CEP76: variants seen among roughly 807,000 people sequenced by gnomAD.
CEP76 encodes centrosomal protein 76.
CEP76 carries 55 observed loss-of-function variants against 83.3 expected under a neutral mutation model. That is an observed-to-expected ratio of 0.66 (90% confidence interval 0.53 to 0.83). CEP76 has a LOEUF of 0.83. Ranked by LOEUF, CEP76 falls within the 40% of genes least tolerant of loss-of-function variation. The pLI is 0.00. For missense variants in CEP76, 694 were observed against 799.5 expected, an observed-to-expected ratio of 0.87 and a Z score of 1.59; for synonymous variants, 270 against 274.5, an observed-to-expected ratio of 0.98 and a Z score of 0.16.
In CEP76 at chr18:12,672,631, A is replaced by G; in HGVS notation, c.*734T>C. On this transcript the variant is annotated 3_prime_UTR_variant, in exon 12 of 12. Transcript: ENST00000262127. ...ATCCTCTGACCACAGAAAATCAGTG[A>G]TCGACTGCAAGATCACAATTTATCA... 1 of 981,642 alleles carries G rather than the reference A, an allele frequency of 1.0e-6. No homozygotes were observed. The highest frequency in any genetic ancestry group is 1.2e-6 in the Non-Finnish European group (1 of 826,390). 60.8% of individuals were successfully genotyped at this position (981,642 alleles called of 1,614,324 possible).
chr18:12,700,782 A>G (rs1281171864), intron 2 of CEP76, among the ~76,000 whole-genome samples, 176 bp downstream of exon 2: 1 of 152,188 alleles, frequency 6.6e-6, no homozygotes, highest in Admixed American at 6.5e-5. Flanking sequence ...ACACAAAACT[A>G]TTCAGTATAT....
At chr18:12,690,160 T>A (rs931273479) in intron 7 of CEP76, among the ~76,000 whole-genome samples, 15 of 152,162 alleles carry the variant, frequency 9.9e-5, no homozygotes, top group African/African-American at 3.6e-4. Context: ...TGCCAACCAG[T>A]CATTCAATAT....
chr18:12,688,387 A>T (rs1395142058), intron 7 of CEP76, among the ~76,000 whole-genome samples: 10 of 152,174 alleles, frequency 6.6e-5, no homozygotes, highest in Non-Finnish European at 1.5e-4. Context: ...AGAATAATGA[A>T]TTTTTAAGTA....
intron 8 of CEP76, among the ~76,000 whole-genome samples, chr18:12,683,991 A>G (rs962751878): frequency 2.7e-5 from 4 of 150,114 alleles, no homozygotes; most frequent in South Asian, 2.1e-4. Context: ...ATCTAAATAT[A>G]TATATGATAT....
intron 4 of CEP76, among the ~76,000 whole-genome samples, chr18:12,698,582 G>C (rs1412325997): frequency 6.6e-6 from 1 of 152,132 alleles, no homozygotes; most frequent in Non-Finnish European, 1.5e-5. Context: ...TTTCAGCTGT[G>C]AGTCACCGTG....
intron 1 of CEP76, 197 bp downstream of exon 1, chr18:12,702,289 C>A: frequency 1.8e-6 from 1 of 551,146 alleles, no homozygotes; most frequent in South Asian, 2.3e-5. Flanking sequence ...CTAGCACCTG[C>A]TCGGCTCGTT....
chr18:12,697,332 T>G lies in CEP76; in HGVS notation c.597A>C (p.Thr199=), dbSNP rs755481120. 5 of 1,613,804 alleles carry G rather than the reference T, an allele frequency of 3.1e-6. No individual in the cohort carries two copies. In the African/African-American group the frequency reaches 6.7e-5, roughly 22 times the overall value. Reference sequence around the variant, plus strand: ...CTAAAGTCGTCTCACCAAATATGTCTGTTTTGATTAGCACCATATGAATTG... The same window carrying G: ...CTAAAGTCGTCTCACCAAATATGTCGGTTTTGATTAGCACCATATGAATTG... The part of the protein sequence containing the change: ...SDPIHMVLIK[T]DIFGETTLVA... The change falls in exon 5 of 12, where the codon ACA becomes ACC. Residue 199 remains threonine, a synonymous_variant. Transcript: ENST00000262127.
At chr18:12,678,584 C>T in intron 9 of CEP76, 142 bp from the exon 10 acceptor site, 1 of 598,196 alleles carries the variant, frequency 1.7e-6, no homozygotes, top group Non-Finnish European at 2.8e-6. Context: ...TTTATATTTC[C>T]ACAATTTGAT....
chr18:12,694,725 T>C (rs1223021659), intron 6 of CEP76, among the ~76,000 whole-genome samples: 1 of 149,436 alleles, frequency 6.7e-6, no homozygotes, highest in Non-Finnish European at 1.5e-5. Context: ...TTTTTTTCTT[T>C]TTTTGAGATG....
In CEP76 at chr18:12,690,163, T is replaced by C. The variant is rs147732518; in HGVS notation, c.933+1196A>G. The stretch of plus-strand genomic sequence containing the variant: ...ATGTTGTTACCTTGCCAACCAGTCA[T>C]TCAATATATAAACAACGCTATCAGA... On this transcript the variant is annotated intron_variant, in intron 7 of 11. Transcript: ENST00000262127. Among the ~76,000 whole-genome samples, 37 of 152,278 alleles carry C rather than the reference T, an allele frequency of 2.4e-4. No homozygotes were observed. In the East Asian group the frequency reaches 5.8e-3, roughly 24 times the overall value.
chr18:12,684,894 G>C (rs943150888), intron 8 of CEP76: 4 of 152,016 alleles, frequency 2.6e-5, no homozygotes, highest in African/African-American at 7.2e-5. Context: ...CATTCAAAAA[G>C]TGTAATTAAA....
At chr18:12,665,677 TAAAC>T (rs1193314203) in intron 12 of CEP76, among the ~76,000 whole-genome samples, 1 of 152,230 alleles carries the variant, frequency 6.6e-6, no homozygotes, top group African/African-American at 2.4e-5. Context: ...GAGAATGTTT[TAAAC>T]AAACTTCTTA....
intron 4 of CEP76, among the ~76,000 whole-genome samples, chr18:12,698,223 T>C (rs770373237): frequency 9.9e-5 from 15 of 151,824 alleles, no homozygotes; most frequent in Non-Finnish European, 1.8e-4. Context: ...AATTTATAAA[T>C]ATTTATTCAT....
intron 6 of CEP76, among the ~76,000 whole-genome samples, chr18:12,694,859 T>C (rs936264930): frequency 7.2e-5 from 11 of 151,824 alleles, no homozygotes; most frequent in South Asian, 4.1e-4. Context: ...TACAGGTGCC[T>C]GCCACCACGC....
Position 12,673,225 on chromosome 18 carries a change from A to T in CEP76, c.*140T>A. The T allele has an allele frequency of 7.3e-7, 1 of 1,372,940 alleles. No homozygotes were observed. Among genetic ancestry groups the T allele is most frequent in the East Asian group, 2.8e-5 (1 of 35,536 alleles). 85.0% of individuals were successfully genotyped at this position (1,372,940 alleles called of 1,614,324 possible). On this transcript the variant is annotated 3_prime_UTR_variant, in exon 12 of 12. Transcript: ENST00000262127. The stretch of plus-strand genomic sequence containing the variant: ...TGCATGATTTTTTTTAAACATTACC[A>T]GTCAAGTATATACAAAATTGAAGTA...
At chr18:12,669,625 CATT>C (rs1362246274), downstream of CEP76, among the ~76,000 whole-genome samples, 1 of 152,096 alleles carries the variant, frequency 6.6e-6, no homozygotes, top group Non-Finnish European at 1.5e-5. Flanking sequence ...ACCTTGGAGA[CATT>C]ATGTTTTTTA....
chr18:12,685,810 T>G (rs2145043404), intron 8 of CEP76: 1 of 152,886 alleles, frequency 6.5e-6, no homozygotes, highest in Non-Finnish European at 1.5e-5. Flanking sequence ...TTTTTGTATT[T>G]TAGTAGAGAT....
At chr18:12,693,868 T>C (rs1489353963) in intron 6 of CEP76, among the ~76,000 whole-genome samples, 1 of 152,196 alleles carries the variant, frequency 6.6e-6, no homozygotes, top group Non-Finnish European at 1.5e-5. Context: ...GGTCTTAGTC[T>C]GTAACCCAGG....
intron 7 of CEP76, 91 bp from the exon 8 acceptor site, chr18:12,686,541 C>A: frequency 1.1e-6 from 1 of 949,980 alleles, no homozygotes; most frequent in East Asian, 2.5e-5. Flanking sequence ...TAAAATAATT[C>A]AGCATACCAT....
Sources: gnomAD v4.1 joint callset for allele counts (sites outside exome capture counted in the v4.1 genomes callset) on GRCh38, gnomAD v4.1.1 for gene constraint, MANE v1.5 for transcripts, NCBI Gene and HGNC (gene_info 2026-07-23, HGNC 2026-07-21) for gene names.